ELFN1: variants seen among roughly 807,000 people sequenced by gnomAD.
ELFN1 encodes extracellular leucine rich repeat and fibronectin type III domain containing 1.
In ELFN1, 6 loss-of-function variants were observed where a neutral mutation model predicts 7.6. The ratio of observed to expected loss-of-function variants is 0.79; its 90% CI spans 0.43 to 1.56. ELFN1 has a LOEUF of 1.56. ELFN1 is among the 40% of genes most tolerant of loss of function. The pLI is 0.01. For missense variants in ELFN1, 1,169 were observed against 1,232.2 expected, an observed-to-expected ratio of 0.95 and a Z score of 0.77; for synonymous variants, 657 against 588.1, an observed-to-expected ratio of 1.12 and a Z score of -1.70.
intron 2 of ELFN1, among the ~76,000 whole-genome samples, chr7:1,704,254 C>T (rs1182610227): frequency 6.6e-6 from 1 of 152,136 alleles, no homozygotes; most frequent in African/African-American, 2.4e-5. Flanking sequence ...GGGGCCACCT[C>T]CTTTTCCCAG....
intron 2 of ELFN1, among the ~76,000 whole-genome samples, chr7:1,688,463 C>T (rs908533406): frequency 6.6e-6 from 1 of 152,054 alleles, no homozygotes; most frequent in Non-Finnish European, 1.5e-5. Flanking sequence ...TTGTTTTACA[C>T]CTGACATTTA....
chr7:1,685,109 A>AT (rs992084659), intron 1 of ELFN1, among the ~76,000 whole-genome samples: 20 of 151,552 alleles, frequency 1.3e-4, no homozygotes, highest in South Asian at 2.1e-4. Flanking sequence ...TGGCTAACAA[A>AT]TTTTTTTTTG....
rs1780427628 is a variant in ELFN1 at position 1,735,855 on chromosome 7, C to T, written c.-293-8449C>T. ...GCCTTCAGTAACTGGTGATGCATCC[C>T]CCACCACAACCCTGGGAGGCGGACA... On this transcript the variant is annotated intron_variant, in intron 3 of 3. Transcript: ENST00000424383. This position sits in a 1 kb window ranked among gnomAD's most constrained non-coding sequence, Gnocchi z 5.9. Among the ~76,000 whole-genome samples, 1 of 152,182 alleles carries T rather than the reference C, an allele frequency of 6.6e-6. No individual in the cohort carries two copies. Among genetic ancestry groups the T allele is most frequent in the Non-Finnish European group, 1.5e-5 (1 of 68,004 alleles).
rs182399415 is a variant in ELFN1, at chr7:1,726,418, C to T, written c.-294+17166C>T. Among the ~76,000 whole-genome samples, 627 of 152,356 alleles carry T rather than the reference C, an allele frequency of 4.1e-3. 2 individuals carry two copies. The highest frequency in any genetic ancestry group is 7.1e-3 in the Non-Finnish European group (482 of 68,036). ...GCATATGGACCCTGCCAAATGTGCC[C>T]GCTCAGACATATGCTGGCGGCACGC... is the stretch of plus-strand genomic sequence containing the variant. On this transcript the variant is annotated intron_variant, in intron 3 of 3. Transcript: ENST00000424383.
chr7:1,744,541 C>A lies in ELFN1; in HGVS notation c.-56C>A, dbSNP rs1475526399. 3 of 1,437,544 alleles carry A rather than the reference C, an allele frequency of 2.1e-6. No homozygotes were observed. The highest frequency in any genetic ancestry group is 2.9e-5 in the Admixed American group (1 of 34,034). The allele number at this position is 1,437,544 out of a possible 1,614,324, so 89.0% of individuals were successfully genotyped here. On this transcript the variant is annotated 5_prime_UTR_variant, in exon 4 of 4. Transcript: ENST00000424383. ...ATCCCTCTGGGGGCTGGCGCCTGGCCCCCCACCTGGTCCCCCTGGGCAGGC... is the reference window on the plus strand; with the variant it reads ...ATCCCTCTGGGGGCTGGCGCCTGGCACCCCACCTGGTCCCCCTGGGCAGGC...
intron 3 of ELFN1, among the ~76,000 whole-genome samples, chr7:1,709,496 C>T (rs569834956): frequency 4.8e-4 from 73 of 152,324 alleles, no homozygotes; most frequent in Non-Finnish European, 5.4e-4. Flanking sequence ...CTGGGGCTGC[C>T]GGGGGACCCG....
chr7:1,723,610 A>T (rs1449333174), intron 3 of ELFN1, among the ~76,000 whole-genome samples: 1 of 152,214 alleles, frequency 6.6e-6, no homozygotes, highest in Non-Finnish European at 1.5e-5. Flanking sequence ...CAATGCTGTT[A>T]TGAACATCTT....
At chr7:1,699,039 A>G (rs1008379557) in intron 2 of ELFN1, among the ~76,000 whole-genome samples, 1 of 152,204 alleles carries the variant, frequency 6.6e-6, no homozygotes, top group African/African-American at 2.4e-5. Context: ...GGAAGCATCC[A>G]TTATATACAC....
At chr7:1,666,250 C>A (rs1283604490), upstream of ELFN1, among the ~76,000 whole-genome samples, 2 of 151,802 alleles carry the variant, frequency 1.3e-5, no homozygotes, top group Non-Finnish European at 2.9e-5. The surrounding 1 kb of genome is among the most constrained non-coding windows in gnomAD (Gnocchi z 7.9). Context: ...GGAGGGTCCC[C>A]GCCCCTAGGG....
intron 2 of ELFN1, among the ~76,000 whole-genome samples, chr7:1,690,283 A>T (rs749534114): frequency 6.7e-6 from 1 of 148,466 alleles, no homozygotes; most frequent in African/African-American, 2.5e-5. Context: ...GGGTAGGTGG[A>T]TAGGTGGATG....
At chr7:1,707,491 G>C (rs1779559584) in intron 2 of ELFN1, among the ~76,000 whole-genome samples, 1 of 152,230 alleles carries the variant, frequency 6.6e-6, no homozygotes, top group Non-Finnish European at 1.5e-5. Context: ...GGCAACCCTG[G>C]GGCTGATGGG....
At chr7:1,678,836 A>C (rs1160283184) in intron 1 of ELFN1, among the ~76,000 whole-genome samples, 1 of 152,222 alleles carries the variant, frequency 6.6e-6, no homozygotes, top group Non-Finnish European at 1.5e-5. Flanking sequence ...AATATTTGGC[A>C]CAGCAGCGAA....
intron 2 of ELFN1, 62 bp downstream of exon 2, chr7:1,688,212 G>A (rs1327621516): frequency 2.0e-5 from 3 of 151,744 alleles, no homozygotes; most frequent in African/African-American, 7.3e-5. Flanking sequence ...ATGTTTGTAG[G>A]AATTCTTTAT....
At chr7:1,677,845 C>T (rs530560739) in intron 1 of ELFN1, among the ~76,000 whole-genome samples, 1 of 152,006 alleles carries the variant, frequency 6.6e-6, no homozygotes, top group East Asian at 1.9e-4. Flanking sequence ...GTGGAGCTCC[C>T]GCGGGTTCCT....
intron 1 of ELFN1, among the ~76,000 whole-genome samples, chr7:1,672,086 G>A (rs1256957651): frequency 1.3e-5 from 2 of 152,170 alleles, no homozygotes; most frequent in African/African-American, 4.8e-5. Flanking sequence ...TGCTGTGTGC[G>A]TATAATTCAG....
intron 3 of ELFN1, among the ~76,000 whole-genome samples, chr7:1,741,530 C>T (rs1412993974): frequency 3.3e-5 from 5 of 152,252 alleles, no homozygotes; most frequent in Middle Eastern, 3.4e-3. Context: ...CAGCACCACT[C>T]CCAAGGAGTC....
chr7:1,738,109 C>A (rs1196845431), intron 3 of ELFN1, among the ~76,000 whole-genome samples: 1 of 152,196 alleles, frequency 6.6e-6, no homozygotes, highest in Non-Finnish European at 1.5e-5. Flanking sequence ...AGCCCATTTC[C>A]CCCGCTAGCC....
intron 3 of ELFN1, among the ~76,000 whole-genome samples, chr7:1,737,411 T>TGGCCCCTGGCTCTGCAGGA (rs1780480055): frequency 2.0e-5 from 3 of 152,164 alleles, no homozygotes; most frequent in Non-Finnish European, 2.9e-5. Context: ...GTAGACTGGC[T>TGGCCCCTGGCTCTGCAGGA]GGCCCCTGGC....
At chr7:1,720,691 T>C (rs1025625017) in intron 3 of ELFN1, among the ~76,000 whole-genome samples, 2 of 151,876 alleles carry the variant, frequency 1.3e-5, no homozygotes, top group Non-Finnish European at 2.9e-5. Flanking sequence ...AGACCACCTC[T>C]CTCCCCTTCC....
Sources: gnomAD v4.1 joint callset for allele counts (sites outside exome capture counted in the v4.1 genomes callset) on GRCh38, gnomAD v4.1.1 for gene constraint, Gnocchi (gnomAD v3.1) non-coding constraint, MANE v1.5 for transcripts, NCBI Gene and HGNC (gene_info 2026-07-23, HGNC 2026-07-21) for gene names.